PSMF1: variants seen among roughly 807,000 people sequenced by gnomAD.
PSMF1 encodes the protein proteasome inhibitor PI31 subunit.
Under a neutral mutation model 29.3 loss-of-function variants are expected in PSMF1, and 30 were observed. The observed-to-expected ratio is 1.02, with a 90% CI of 0.77 to 1.39. The LOEUF (loss-of-function observed/expected upper bound fraction) is 1.39. Among genes scored for constraint, PSMF1 ranks in the 40% most tolerant of loss-of-function variants. The probability of loss-of-function intolerance (pLI) is 0.00; values close to 1 mark genes in which losing one functional copy is unlikely to be tolerated. For synonymous variants in PSMF1, 134 were observed against 139.7 expected (o/e 0.96, Z 0.29); for missense variants, 344 against 357.5 (o/e 0.96, Z 0.31).
At chr20:1,158,662 C>T (rs567569298) in intron 4 of PSMF1, among the ~76,000 whole-genome samples, 3 of 152,270 alleles carry the variant, frequency 2.0e-5, no homozygotes, top group Non-Finnish European at 4.4e-5. Flanking sequence ...TTTGCAGTAG[C>T]GACATACTAC....
At chr20:1,117,707 C>T (rs527372422), upstream of PSMF1, 1 of 152,334 alleles carries the variant, frequency 6.6e-6, no homozygotes, top group South Asian at 2.1e-4. Context: ...TAGAGAGAGA[C>T]AGGAATGGAA....
In PSMF1 at chr20:1,163,839, A is replaced by G. The variant is rs544635328; in HGVS notation, c.606-479A>G. Among the ~76,000 whole-genome samples, 4 of 152,376 alleles carry G rather than the reference A, an allele frequency of 2.6e-5. No individual in the cohort carries two copies. The highest frequency in any genetic ancestry group is 6.5e-5 in the Admixed American group (1 of 15,308). On this transcript the variant is annotated intron_variant, in intron 5 of 6. Coordinates refer to ENST00000335877, the MANE Select transcript of PSMF1 (RefSeq NM_006814.5). The surrounding 1 kb of genome is among the most constrained non-coding windows in gnomAD (Gnocchi z 6.1). ...GTCAGGAGCCACACTTAGGCAATCT[A>G]CAGGCAGTCAGAAATTGCCCTGAGG... is the stretch of plus-strand genomic sequence containing the variant.
chr20:1,118,739 C>G lies in PSMF1; in HGVS notation c.-35C>G, dbSNP rs762575282. ...CGGCTCACTGCACTACCCCCGCCCC[C>G]TTCTTTCCTCCAGACGCCGAAGTCG... On this transcript the variant is annotated 5_prime_UTR_variant, in exon 1 of 7. Transcript: ENST00000335877. 57 of 1,602,430 alleles carry G rather than the reference C, an allele frequency of 3.6e-5. No individual in the cohort carries two copies. In the South Asian group the frequency reaches 6.0e-4, roughly 17 times the overall value.
intron 4 of PSMF1, among the ~76,000 whole-genome samples, chr20:1,162,330 T>C (rs2086677210): frequency 1.3e-5 from 2 of 152,222 alleles, no homozygotes; most frequent in South Asian, 4.1e-4. Context: ...ATTTTGTTTT[T>C]TTTCACTGTT....
chr20:1,126,301 T>G (rs6040022), intron 2 of PSMF1, among the ~76,000 whole-genome samples: 147,963 of 152,304 alleles, frequency 0.97, 71,879 homozygotes, highest in Middle Eastern at 1. Flanking sequence ...GTTAACTTTT[T>G]TCTTAGTGGT....
chr20:1,120,389 A>T (rs2086071692), intron 1 of PSMF1, among the ~76,000 whole-genome samples: 1 of 152,216 alleles, frequency 6.6e-6, no homozygotes, highest in Non-Finnish European at 1.5e-5. Flanking sequence ...TCACCTTCCC[A>T]AACACATCTG....
chr20:1,153,728 A>T (rs991346294), intron 4 of PSMF1, among the ~76,000 whole-genome samples: 1 of 152,164 alleles, frequency 6.6e-6, no homozygotes, highest in African/African-American at 2.4e-5. Flanking sequence ...TTAACCCGTT[A>T]CTACATCAAC....
At position 1,127,511 on chromosome 20, in the gene PSMF1, A is replaced by G. The variant is rs1436719853; in HGVS notation, c.365+3A>G. 1 of 1,576,678 alleles carries G rather than the reference A, an allele frequency of 6.3e-7. No homozygotes were observed. The highest frequency in any genetic ancestry group is 2.2e-5 in the East Asian group (1 of 44,722). ...GAACACCTGGGTGACTTCCACAGGT[A>G]CTTCTAAATGATGTCTCTTCCCTGG... On this transcript the variant is annotated splice_donor_region_variant and intron_variant, in intron 3 of 6. Coordinates refer to ENST00000335877, the MANE Select transcript of PSMF1 (RefSeq NM_006814.5).
rs1015926241 is a variant in PSMF1, at chr20:1,122,255, C to T, written c.130-3243C>T. 4.0e-5 allele frequency among the ~76,000 whole-genome samples: 6 copies of T among 151,832 alleles called. 1 individual carries two copies. In the South Asian group the frequency reaches 6.3e-4, roughly 16 times the overall value. ...AGACCTTGGGCAGCTCTCTGACCAT[C>T]TCAGGCCTTAGAGTTTTCTTTTCTT... On this transcript the variant is annotated intron_variant, in intron 1 of 6. Coordinates refer to ENST00000335877, the MANE Select transcript of PSMF1 (RefSeq NM_006814.5).
intron 4 of PSMF1, among the ~76,000 whole-genome samples, chr20:1,156,745 C>T (rs957911340): frequency 2.0e-5 from 3 of 152,084 alleles, no homozygotes; most frequent in Non-Finnish European, 4.4e-5. Flanking sequence ...GTCAATAGAT[C>T]TTCTCAAAAG....
chr20:1,117,186 G>A (rs1267615435), upstream of PSMF1, among the ~76,000 whole-genome samples: 1 of 152,160 alleles, frequency 6.6e-6, no homozygotes, highest in Non-Finnish European at 1.5e-5. Flanking sequence ...GAGGACAGTT[G>A]AAGGAGACTG....
Position 1,150,132 on chromosome 20 carries a change from ATCACACTACTGTAC to A in PSMF1, c.552-12995_552-12982del, listed in dbSNP as rs1158639527. ...GAGGTGGAGGTTGTGGTGAGCCATG[ATCACACTACTGTAC>A]TCCAGCCTGGGCAACAGAGCAAGAC... On this transcript the variant is annotated intron_variant, in intron 4 of 6. Coordinates refer to ENST00000335877, the MANE Select transcript of PSMF1 (RefSeq NM_006814.5). Among the ~76,000 whole-genome samples, 62 of 151,806 alleles carry A rather than the reference ATCACACTACTGTAC, an allele frequency of 4.1e-4. No individual in the cohort carries two copies. In the East Asian group the frequency reaches 0.011, roughly 28 times the overall value.
At chr20:1,135,392 C>A in intron 4 of PSMF1, 86 bp downstream of exon 4, 1 of 1,357,220 alleles carries the variant, frequency 7.4e-7, no homozygotes. Context: ...TGACCCCATC[C>A]CTGGCCCGTA....
chr20:1,150,209 G>T (rs1183366927), intron 4 of PSMF1, among the ~76,000 whole-genome samples: 1 of 151,318 alleles, frequency 6.6e-6, no homozygotes, highest in African/African-American at 2.4e-5. Flanking sequence ...CTTTATGCCC[G>T]TTTCCCACTT....
At chr20:1,156,834 G>A (rs909166002) in intron 4 of PSMF1, among the ~76,000 whole-genome samples, 1 of 152,190 alleles carries the variant, frequency 6.6e-6, no homozygotes, top group South Asian at 2.1e-4. Flanking sequence ...TAAAAGAAGA[G>A]TGGTAGAAAT....
chr20:1,115,205 GGGT>G (rs2086000212), upstream of PSMF1, among the ~76,000 whole-genome samples: 1 of 127,704 alleles, frequency 7.8e-6, no homozygotes, highest in Non-Finnish European at 1.7e-5. Context: ...CACGGGGTGG[GGGT>G]GACGGAGCTG....
intron 4 of PSMF1, among the ~76,000 whole-genome samples, chr20:1,162,516 A>G (rs912676971): frequency 5.9e-5 from 9 of 152,200 alleles, no homozygotes; most frequent in African/African-American, 1.7e-4. Flanking sequence ...GCAGTCATTT[A>G]TGTGCCTTCT....
chr20:1,133,569 A>ATATATATATATATATATATTTTTTTTTCT, intron 3 of PSMF1, among the ~76,000 whole-genome samples: 1 of 53,288 alleles, frequency 1.9e-5, no homozygotes, highest in Non-Finnish European at 4.6e-5. Context: ...ATATATATAT[A>ATATATATATATATATATATTTTTTTTTCT]TTTTTTTTTT....
In PSMF1 at chr20:1,119,001, T is replaced by A; in HGVS notation, c.129+99T>A. 5 of 1,481,730 alleles carry A rather than the reference T, an allele frequency of 3.4e-6. No individual in the cohort carries two copies. The South Asian group carries it at 5.0e-5, about 15-fold the overall frequency. The allele number at this position is 1,481,730 out of a possible 1,614,324, so 91.8% of individuals were successfully genotyped here. On this transcript the variant is annotated intron_variant, in intron 1 of 6. Transcript: ENST00000335877. ...CCAGAGCGCCCGATTTCCCCGCTTC[T>A]CCCAGTGCAGGGTCTGGGGCAGATG...
Sources: gnomAD v4.1 joint callset for allele counts (sites outside exome capture counted in the v4.1 genomes callset) on GRCh38, gnomAD v4.1.1 for gene constraint, Gnocchi (gnomAD v3.1) non-coding constraint, MANE v1.5 for transcripts, NCBI Gene and HGNC (gene_info 2026-07-23, HGNC 2026-07-21) for gene names.